The following ATE1 variants were observed in gnomAD, a reference collection of about 807,000 sequenced individuals.
ATE1 encodes arginyl-tRNA--protein transferase 1.
A neutral mutation model predicts 70.5 loss-of-function variants in ATE1; 36 were observed. The ratio of observed to expected loss-of-function variants is 0.51; its 90% confidence interval spans 0.39 to 0.67. ATE1 has a LOEUF of 0.67. ATE1 is among the 30% of genes least tolerant of loss of function. ATE1 has a pLI of 0.00. For missense variants in ATE1, 593 were observed against 629.5 expected (o/e 0.94, Z 0.62); for synonymous variants, 232 against 219.3 (o/e 1.06, Z -0.51).
chr10:121,786,198 GAAAGTTTTT>G (rs1330745413), intron 11 of ATE1, among the ~76,000 whole-genome samples: 17 of 115,102 alleles, frequency 1.5e-4, no homozygotes, highest in African/African-American at 5.2e-4. Flanking sequence ...ACATGCTCAA[GAAAGTTTTT>G]TTTTTTTTTT....
chr10:121,897,554 C>A (rs553982957), intron 7 of ATE1, among the ~76,000 whole-genome samples: 1 of 152,252 alleles, frequency 6.6e-6, no homozygotes, highest in East Asian at 1.9e-4. Context: ...TCTGGCCGGA[C>A]CCGGTGGCTC....
At chr10:121,744,082 C>A (rs1384760542) in intron 11 of ATE1, among the ~76,000 whole-genome samples, 1 of 151,636 alleles carries the variant, frequency 6.6e-6, no homozygotes, top group Non-Finnish European at 1.5e-5. Flanking sequence ...GCCACCACAC[C>A]AGGCTAATTT....
chr10:121,925,760 T>C (rs1952064770), intron 1 of ATE1, among the ~76,000 whole-genome samples: 1 of 151,914 alleles, frequency 6.6e-6, no homozygotes, highest in Non-Finnish European at 1.5e-5. Context: ...CCTGTGCCTG[T>C]GGTCCCAGCT....
intron 10 of ATE1, among the ~76,000 whole-genome samples, chr10:121,821,413 G>GT (rs1947792365): frequency 6.6e-6 from 1 of 152,192 alleles, no homozygotes; most frequent in Non-Finnish European, 1.5e-5. Flanking sequence ...GTGGAAGAAG[G>GT]TATCTGGTAA....
intron 9 of ATE1, among the ~76,000 whole-genome samples, chr10:121,838,355 T>C (rs1456392734): frequency 1.5e-5 from 2 of 130,360 alleles, no homozygotes; most frequent in East Asian, 5.0e-4. Flanking sequence ...TCCACCTGCC[T>C]CCTTCTCACC....
At chr10:121,911,177 C>T in intron 4 of ATE1, 26 bp from the exon 5 acceptor site, 1 of 1,597,520 alleles carries the variant, frequency 6.3e-7, no homozygotes, top group East Asian at 2.2e-5. Flanking sequence ...AATTAAAAAT[C>T]CATCAGCTGG....
chr10:121,811,951 CTTTTTT>C (rs71022870), intron 10 of ATE1, among the ~76,000 whole-genome samples: 4 of 74,746 alleles, frequency 5.4e-5, no homozygotes, highest in South Asian at 5.7e-4. Context: ...ATTCCAAATT[CTTTTTT>C]TTTTTTTTTT....
chr10:121,846,648 A>G (rs956156469), intron 8 of ATE1: 3 of 152,188 alleles, frequency 2.0e-5, no homozygotes, highest in Non-Finnish European at 4.4e-5. Context: ...AACAACCAGT[A>G]CAGATTTCTT....
chr10:121,915,467 T>C lies in ATE1; in HGVS notation c.234-1574A>G, dbSNP rs138198643. ...AGATAGAATAAAAAATTTAAGAAAA[T>C]TCCCCTGAACTAAAGGATAAGATGG... is the stretch of plus-strand genomic sequence containing the variant. On this transcript the variant is annotated intron_variant, in intron 3 of 11. Coordinates refer to ENST00000224652, the MANE Select transcript of ATE1 (RefSeq NM_001001976.3). Among the ~76,000 whole-genome samples, 49 of 151,958 alleles carry C rather than the reference T, an allele frequency of 3.2e-4. No homozygotes were observed. The East Asian group carries it at 3.9e-3, about 12-fold the overall frequency.
chr10:121,918,543 A>T (rs1178829168), intron 3 of ATE1, among the ~76,000 whole-genome samples: 2 of 152,090 alleles, frequency 1.3e-5, no homozygotes, highest in East Asian at 3.9e-4. Context: ...AACCAATCGA[A>T]ATCACCCTTT....
At chr10:121,834,115 A>T (rs1948348624) in intron 10 of ATE1, among the ~76,000 whole-genome samples, 1 of 152,110 alleles carries the variant, frequency 6.6e-6, no homozygotes, top group African/African-American at 2.4e-5. Flanking sequence ...TGACCCTAAA[A>T]CTTCCCATTG....
intron 10 of ATE1, among the ~76,000 whole-genome samples, chr10:121,827,304 GC>G (rs994842663): frequency 2.0e-5 from 3 of 152,116 alleles, no homozygotes; most frequent in African/African-American, 7.2e-5. Flanking sequence ...GAGCCACTGT[GC>G]CCAGCAAATT....
intron 8 of ATE1, among the ~76,000 whole-genome samples, chr10:121,859,748 C>T (rs1402047624): frequency 6.6e-6 from 1 of 151,742 alleles, no homozygotes; most frequent in Non-Finnish European, 1.5e-5. Context: ...TCAAGACCAA[C>T]CTGGCCCACA....
At chr10:121,916,411 C>T (rs1951660817) in intron 3 of ATE1, among the ~76,000 whole-genome samples, 1 of 152,108 alleles carries the variant, frequency 6.6e-6, no homozygotes, top group South Asian at 2.1e-4. Flanking sequence ...AAAGTTTGAG[C>T]AGTGAATCAA....
chr10:121,907,532 T>A (rs962830290), intron 5 of ATE1, among the ~76,000 whole-genome samples: 2 of 151,842 alleles, frequency 1.3e-5, no homozygotes, highest in African/African-American at 4.8e-5. Flanking sequence ...CCCAGCACTT[T>A]GGGAGGCCGA....
At chr10:121,819,679 C>CAAAAAAAAA (rs57035123) in intron 10 of ATE1, among the ~76,000 whole-genome samples, 5 of 52,726 alleles carry the variant, frequency 9.5e-5, no homozygotes, top group African/African-American at 3.5e-4. Flanking sequence ...AAGACTGTCT[C>CAAAAAAAAA]AAAAAAAAAA....
At chr10:121,815,761 G>A (rs539983654) in intron 10 of ATE1, among the ~76,000 whole-genome samples, 4 of 152,180 alleles carry the variant, frequency 2.6e-5, no homozygotes, top group African/African-American at 7.2e-5. Context: ...CGCTGCAACC[G>A]TAATGCCCTA....
intron 5 of ATE1, among the ~76,000 whole-genome samples, chr10:121,909,266 G>A (rs1951324427): frequency 6.6e-6 from 1 of 152,156 alleles, no homozygotes; most frequent in East Asian, 1.9e-4. Flanking sequence ...TGGGATTACA[G>A]TTGTAAGCCA....
At chr10:121,842,936 C>G (rs1319062494) in intron 8 of ATE1, among the ~76,000 whole-genome samples, 3 of 152,146 alleles carry the variant, frequency 2.0e-5, no homozygotes, top group Non-Finnish European at 4.4e-5. Context: ...AGGATATCCT[C>G]TCTCATCACT....
Sources: gnomAD v4.1 joint callset for allele counts (sites outside exome capture counted in the v4.1 genomes callset) on GRCh38, gnomAD v4.1.1 for gene constraint, MANE v1.5 for transcripts, NCBI Gene and HGNC (gene_info 2026-07-23, HGNC 2026-07-21) for gene names.